Variants in RCAN1 observed in about 807,000 individuals in gnomAD.
The protein encoded by RCAN1 is regulator of calcineurin 1.
A neutral mutation model predicts 22.9 loss-of-function variants in RCAN1; 11 were observed. The ratio of observed to expected loss-of-function variants is 0.48; its 90% CI spans 0.30 to 0.79. The LOEUF is 0.79. Among genes scored for constraint, RCAN1 ranks in the 30% least tolerant of loss-of-function variants. The pLI, the probability that RCAN1 is intolerant of heterozygous loss-of-function variation, is 0.06. For missense variants in RCAN1, 291 were observed against 337.8 expected (o/e 0.86, Z 1.09); for synonymous variants, 136 against 142.3 (o/e 0.96, Z 0.32).
At chr21:34,543,385 T>C (rs944157259) in intron 1 of RCAN1, among the ~76,000 whole-genome samples, 5 of 152,088 alleles carry the variant, frequency 3.3e-5, no homozygotes, top group Non-Finnish European at 7.4e-5. Flanking sequence ...TCGAGTGATA[T>C]GGGGCCATGA....
At chr21:34,566,855 G>A (rs1987025995) in intron 1 of RCAN1, among the ~76,000 whole-genome samples, 1 of 152,100 alleles carries the variant, frequency 6.6e-6, no homozygotes, top group Non-Finnish European at 1.5e-5. Flanking sequence ...GGAGGTGCCA[G>A]GCTCCTTTAA....
At chr21:34,535,176 T>C (rs77499825) in intron 1 of RCAN1, among the ~76,000 whole-genome samples, 1 of 152,232 alleles carries the variant, frequency 6.6e-6, no homozygotes, top group East Asian at 1.9e-4. Context: ...GTTTAAGCAA[T>C]AGTGTGATTA....
At chr21:34,520,867 TG>T (rs1984459783) in intron 3 of RCAN1, among the ~76,000 whole-genome samples, 1 of 152,224 alleles carries the variant, frequency 6.6e-6, no homozygotes, top group Admixed American at 6.5e-5. Context: ...GCCCACATTT[TG>T]GACAAAGAGC....
intron 2 of RCAN1, among the ~76,000 whole-genome samples, chr21:34,523,306 T>A (rs1490151858): frequency 6.6e-6 from 1 of 152,192 alleles, no homozygotes. Flanking sequence ...CTTTCCCCCA[T>A]CATTATCAAC....
intron 1 of RCAN1, among the ~76,000 whole-genome samples, chr21:34,585,503 G>C (rs750934749): frequency 6.6e-6 from 1 of 152,036 alleles, no homozygotes; most frequent in Non-Finnish European, 1.5e-5. Context: ...CAGCACTTTC[G>C]GAGGCCGAGG....
intron 1 of RCAN1, among the ~76,000 whole-genome samples, chr21:34,542,639 A>G (rs1985964527): frequency 6.6e-6 from 1 of 152,234 alleles, no homozygotes; most frequent in Non-Finnish European, 1.5e-5. Context: ...ACAGATGACT[A>G]TTGTTATTTA....
At chr21:34,564,618 G>A (rs1986936897) in intron 1 of RCAN1, among the ~76,000 whole-genome samples, 1 of 152,106 alleles carries the variant, frequency 6.6e-6, no homozygotes, top group South Asian at 2.1e-4. Flanking sequence ...CATGAAATGT[G>A]GGTTGTGATC....
chr21:34,526,759 T>C, intron 1 of RCAN1: 1 of 1,610,596 alleles, frequency 6.2e-7, no homozygotes, highest in Non-Finnish European at 8.5e-7. Context: ...TCTTGCTTTC[T>C]TACAGTGAAA....
At chr21:34,529,933 T>C (rs1985284533) in intron 1 of RCAN1, among the ~76,000 whole-genome samples, 1 of 152,188 alleles carries the variant, frequency 6.6e-6, no homozygotes. Context: ...GGGTTTTCAC[T>C]TTTGCTTTCT....
At chr21:34,525,377 T>G in intron 1 of RCAN1, 1 of 1,457,576 alleles carries the variant, frequency 6.9e-7, no homozygotes, top group Non-Finnish European at 9.1e-7. Context: ...CAGAGGCACG[T>G]GCGAAGGAAC....
chr21:34,535,989 G>T (rs1985653474), intron 1 of RCAN1, among the ~76,000 whole-genome samples: 1 of 152,024 alleles, frequency 6.6e-6, no homozygotes, highest in Non-Finnish European at 1.5e-5. Flanking sequence ...TACATCTTAA[G>T]ACTGAGGTCA....
At chr21:34,529,784 AC>A (rs1322474061) in intron 1 of RCAN1, among the ~76,000 whole-genome samples, 11 of 152,272 alleles carry the variant, frequency 7.2e-5, no homozygotes, top group African/African-American at 2.4e-4. Context: ...CAAAATCTCA[AC>A]TTGAATTGTA....
intron 1 of RCAN1, among the ~76,000 whole-genome samples, chr21:34,545,551 G>A (rs1275229847): frequency 1.3e-5 from 2 of 152,168 alleles, no homozygotes; most frequent in Non-Finnish European, 2.9e-5. Context: ...AAGAAGTGGG[G>A]GGCTGGCCAG....
intron 1 of RCAN1, among the ~76,000 whole-genome samples, chr21:34,536,026 T>G (rs936041533): frequency 1.3e-5 from 2 of 152,224 alleles, no homozygotes; most frequent in African/African-American, 4.8e-5. Flanking sequence ...TCATCTTGTT[T>G]GTTAAATTCC....
chr21:34,611,377 A>G (rs1241092064), intron 1 of RCAN1, among the ~76,000 whole-genome samples: 2 of 152,370 alleles, frequency 1.3e-5, no homozygotes, highest in East Asian at 1.9e-4. Flanking sequence ...TAACAAACTC[A>G]TTATACAGTA....
intron 2 of RCAN1, chr21:34,522,012 G>A: frequency 5.0e-6 from 1 of 201,354 alleles, no homozygotes; most frequent in Non-Finnish European, 1.0e-5. Flanking sequence ...CTTGGAATCA[G>A]TCTCTCCCCG....
At position 34,591,110 on chromosome 21, in the gene RCAN1, T is replaced by C. The variant is rs138330313; in HGVS notation, c.252+23650A>G. ...GACAGATCCCCGATCCAGTCCTCAC[T>C]CCCTGAACACTGCCCAGCTTATGCT... On this transcript the variant is annotated intron_variant, in intron 1 of 3. Coordinates refer to ENST00000313806, the MANE Select transcript of RCAN1 (RefSeq NM_004414.7). Among the ~76,000 whole-genome samples, 187 of 152,230 alleles carry C rather than the reference T, an allele frequency of 1.2e-3. 1 individual carries two copies. The highest frequency in any genetic ancestry group is 2.0e-3 in the Non-Finnish European group (135 of 68,008).
At chr21:34,533,948 C>T (rs1170296981) in intron 1 of RCAN1, among the ~76,000 whole-genome samples, 1 of 152,092 alleles carries the variant, frequency 6.6e-6, no homozygotes. Flanking sequence ...CTCAGGGTGG[C>T]TGCGGAGGAG....
Position 34,614,691 on chromosome 21 carries a change from C to T in RCAN1, c.252+69G>A, listed in dbSNP as rs1048046447. ...GCGCGGCCGGGACTGGGCGCTGCGA[C>T]CCGCGCCGCCTCCTCGGGCAACAAG... On this transcript the variant is annotated intron_variant, in intron 1 of 3. Coordinates refer to ENST00000313806, the MANE Select transcript of RCAN1 (RefSeq NM_004414.7). The surrounding 1 kb of genome is among the most constrained non-coding windows in gnomAD (Gnocchi z 6.0). The T allele has an allele frequency of 6.9e-6, 9 of 1,298,204 alleles. No individual in the cohort carries two copies. In the Middle Eastern group the frequency reaches 1.5e-3, roughly 213 times the overall value. The allele number at this position is 1,298,204 out of a possible 1,614,324, so 80.4% of individuals were successfully genotyped here.
Sources: allele counts gnomAD v4.1 joint callset (sites outside exome capture counted in the v4.1 genomes callset), GRCh38; gene constraint gnomAD v4.1.1; non-coding constraint Gnocchi (gnomAD v3.1); transcripts MANE v1.5; gene names NCBI Gene and HGNC (gene_info 2026-07-23, HGNC 2026-07-21).